The following MINDY4 variants were observed in gnomAD, a reference collection of about 807,000 sequenced individuals.
MINDY4 encodes the protein MINDY lysine 48 deubiquitinase 4.
Under a neutral mutation model 87.0 loss-of-function variants are expected in MINDY4, and 68 were observed. The ratio of observed to expected loss-of-function variants is 0.78; its 90% CI spans 0.64 to 0.96. The LOEUF (loss-of-function observed/expected upper bound fraction) is 0.96. MINDY4 is among the 40% of genes least tolerant of loss of function. The pLI, the probability that MINDY4 is intolerant of heterozygous loss-of-function variation, is 0.00. For synonymous variants in MINDY4, 379 were observed against 363.2 expected (o/e 1.04, Z -0.50); for missense variants, 919 against 928.2 (o/e 0.99, Z 0.13).
At chr7:30,879,339 CAG>C (rs1790387978) in intron 15 of MINDY4, among the ~76,000 whole-genome samples, 1 of 152,172 alleles carries the variant, frequency 6.6e-6, no homozygotes, top group African/African-American at 2.4e-5. Flanking sequence ...TCTACAAGCT[CAG>C]GGGCACGGCC....
chr7:30,828,652 G>C (rs1420859702), intron 5 of MINDY4, 27 bp from the exon 6 acceptor site: 2 of 1,610,652 alleles, frequency 1.2e-6, no homozygotes, highest in Non-Finnish European at 1.7e-6. Context: ...AGTCTCCTCT[G>C]GTACATTGAT....
At chr7:30,791,129 A>G (rs1388355635) in intron 4 of MINDY4, 36 bp from the exon 5 acceptor site, 4 of 1,550,624 alleles carry the variant, frequency 2.6e-6, no homozygotes, top group African/African-American at 2.7e-5. Flanking sequence ...GCTCCCCTCA[A>G]AGGGTCCTCA....
intron 17 of MINDY4, among the ~76,000 whole-genome samples, chr7:30,888,173 G>C (rs561475732): frequency 8.5e-5 from 13 of 152,248 alleles, no homozygotes; most frequent in East Asian, 3.9e-4. Context: ...GATGCCTCTG[G>C]GGGGACAGGG....
chr7:30,800,038 A>C (rs2128170626), intron 5 of MINDY4, among the ~76,000 whole-genome samples: 2 of 152,274 alleles, frequency 1.3e-5, no homozygotes, highest in East Asian at 3.9e-4. Flanking sequence ...GCAACCTCCT[A>C]GATGAGTTTG....
rs758310954 is a variant in MINDY4 at position 30,882,901 on chromosome 7, GC to G, written c.2153-18del. The G allele has an allele frequency of 7.4e-6, 12 of 1,612,836 alleles. No homozygotes were observed. In the African/African-American group the frequency reaches 1.5e-4, roughly 20 times the overall value. On this transcript the variant is annotated intron_variant, in intron 16 of 17. Transcript: ENST00000265299. ...GCAGGGCCCTGGGTGACATGTGTGT[GC>G]CTCTCTCCTCCTTCCCAGACACCAC...
At chr7:30,838,316 G>A (rs1324864158) in intron 7 of MINDY4, among the ~76,000 whole-genome samples, 1 of 150,942 alleles carries the variant, frequency 6.6e-6, no homozygotes, top group Non-Finnish European at 1.5e-5. Flanking sequence ...AAAGTAGAGG[G>A]GCTGCCTTGA....
intron 13 of MINDY4, 73 bp from the exon 14 acceptor site, chr7:30,872,170 G>C: frequency 2.9e-6 from 4 of 1,388,654 alleles, no homozygotes; most frequent in Non-Finnish European, 4.1e-6. Flanking sequence ...TAAGGGGAGC[G>C]CCTGGTCACC....
At chr7:30,824,664 C>T (rs1237089052) in intron 5 of MINDY4, among the ~76,000 whole-genome samples, 5 of 152,122 alleles carry the variant, frequency 3.3e-5, no homozygotes, top group Admixed American at 3.3e-4. Flanking sequence ...GCCTTAAACT[C>T]CTGGGCTTCA....
At chr7:30,822,124 G>A (rs1788350971) in intron 5 of MINDY4, among the ~76,000 whole-genome samples, 1 of 151,750 alleles carries the variant, frequency 6.6e-6, no homozygotes, top group Non-Finnish European at 1.5e-5. Flanking sequence ...CTAAGGGCAA[G>A]AACATTTTCC....
At chr7:30,831,408 C>G (rs1342438057) in intron 6 of MINDY4, among the ~76,000 whole-genome samples, 2 of 152,106 alleles carry the variant, frequency 1.3e-5, no homozygotes, top group Admixed American at 1.3e-4. Context: ...CCACATCATC[C>G]CTAGTCCATC....
rs781260989 is a variant in MINDY4, at chr7:30,828,724, T to G, written c.1119T>G (p.Gly373=). The G allele has an allele frequency of 1.9e-5, 30 of 1,613,380 alleles. No homozygotes were observed. In the East Asian group the frequency reaches 6.7e-4, roughly 36 times the overall value. ...CTGACAAGGTGGATGGTGAGCTGGG[T>G]GCCCTGCGGCTCGGTAGGTGCAGCG... ...LPSDKVDGEL[G]ALRLEDVEDE... Residue 373 remains glycine, a synonymous_variant, in exon 6 of 18, where the codon GGT becomes GGG. Coordinates refer to ENST00000265299, the MANE Select transcript of MINDY4 (RefSeq NM_032222.3).
intron 13 of MINDY4, among the ~76,000 whole-genome samples, chr7:30,859,537 T>C (rs1295728214): frequency 6.6e-6 from 1 of 152,174 alleles, no homozygotes; most frequent in Non-Finnish European, 1.5e-5. Flanking sequence ...GGCTACCATG[T>C]GTGTGGTGGA....
intron 17 of MINDY4, among the ~76,000 whole-genome samples, chr7:30,888,823 A>T (rs1446509936): frequency 6.6e-6 from 1 of 152,132 alleles, no homozygotes; most frequent in African/African-American, 2.4e-5. Flanking sequence ...CGGGTTGGTT[A>T]TGTCTGTAGA....
At chr7:30,840,362 A>C (rs561222685) in intron 8 of MINDY4, among the ~76,000 whole-genome samples, 1 of 152,218 alleles carries the variant, frequency 6.6e-6, no homozygotes, top group Non-Finnish European at 1.5e-5. Context: ...TGGTCAGGAA[A>C]GGCTTCTTGG....
At chr7:30,860,306 G>A (rs941129567) in intron 13 of MINDY4, among the ~76,000 whole-genome samples, 1 of 152,146 alleles carries the variant, frequency 6.6e-6, no homozygotes, top group South Asian at 2.1e-4. Flanking sequence ...CTGTGGATTC[G>A]GGGGAGGACA....
chr7:30,890,994 C>G (rs193014498), intron 17 of MINDY4, among the ~76,000 whole-genome samples: 72 of 152,156 alleles, frequency 4.7e-4, no homozygotes, highest in East Asian at 3.5e-3. Context: ...TTTTCTTCCT[C>G]CATGGCAGTT....
At chr7:30,791,142 G>A (rs1166997833) in intron 4 of MINDY4, 23 bp from the exon 5 acceptor site, 2 of 1,579,970 alleles carry the variant, frequency 1.3e-6, no homozygotes, top group Admixed American at 1.7e-5. Flanking sequence ...GGTCCTCACT[G>A]CTTTTGTCCT....
At chr7:30,842,493 T>C (rs192135093) in intron 9 of MINDY4, among the ~76,000 whole-genome samples, 18 of 152,280 alleles carry the variant, frequency 1.2e-4, no homozygotes, top group Non-Finnish European at 1.6e-4. Flanking sequence ...TGAGCACATA[T>C]GCACCTACCT....
intron 9 of MINDY4, among the ~76,000 whole-genome samples, chr7:30,848,240 C>T (rs1789287285): frequency 6.6e-6 from 1 of 152,216 alleles, no homozygotes; most frequent in Non-Finnish European, 1.5e-5. Context: ...GAACACTGGT[C>T]ACACCTGTGT....
Sources: gnomAD v4.1 joint callset for allele counts (sites outside exome capture counted in the v4.1 genomes callset) on GRCh38, gnomAD v4.1.1 for gene constraint, MANE v1.5 for transcripts, NCBI Gene and HGNC (gene_info 2026-07-23, HGNC 2026-07-21) for gene names.